The following ZNF385B variants were observed in gnomAD, a reference collection of about 807,000 sequenced individuals.
The protein encoded by ZNF385B is zinc finger protein 385B.
ZNF385B carries 23 observed loss-of-function variants against 39.2 expected under a neutral mutation model. The ratio of observed to expected loss-of-function variants is 0.59; its 90% confidence interval spans 0.42 to 0.83. The LOEUF is 0.83. Among genes scored for constraint, ZNF385B ranks in the 40% least tolerant of loss-of-function variants. The pLI is 0.00. For synonymous variants in ZNF385B, 205 were observed against 222.6 expected, an observed-to-expected ratio of 0.92 and a Z score of 0.70; for missense variants, 552 against 598.9, an observed-to-expected ratio of 0.92 and a Z score of 0.82.
chr2:179,696,562 G>T (rs940435345), intron 3 of ZNF385B, among the ~76,000 whole-genome samples: 5 of 151,876 alleles, frequency 3.3e-5, no homozygotes, highest in African/African-American at 1.2e-4. Context: ...GAAATAATTT[G>T]TAGTCACTTA....
intron 1 of ZNF385B, among the ~76,000 whole-genome samples, chr2:179,823,507 G>C (rs1230908162): frequency 6.6e-6 from 1 of 151,822 alleles, no homozygotes; most frequent in African/African-American, 2.4e-5. Context: ...TTTTCTCTTA[G>C]TACAGAATAC....
At chr2:179,506,838 C>A (rs2057291416) in intron 5 of ZNF385B, among the ~76,000 whole-genome samples, 1 of 152,052 alleles carries the variant, frequency 6.6e-6, no homozygotes, top group African/African-American at 2.4e-5. Flanking sequence ...ATGGGAGTGT[C>A]AGATATGTTA....
At chr2:179,777,769 G>GTTTTTTTTTTTTTT (rs71029831) in intron 1 of ZNF385B, among the ~76,000 whole-genome samples, 2 of 143,712 alleles carry the variant, frequency 1.4e-5, no homozygotes, top group Non-Finnish European at 1.5e-5. Context: ...ATATCAAGAG[G>GTTTTTTTTTTTTTT]TTTTTTTTTT....
rs1215950597 is a variant in ZNF385B, at chr2:179,445,111, G to A, written c.1141-134C>T. On this transcript the variant is annotated intron_variant, in intron 8 of 9. Coordinates refer to ENST00000410066, the MANE Select transcript of ZNF385B (RefSeq NM_152520.6). ...ACGATGGTGTGGGTAAAATCATTAT[G>A]ATTTCTAAATTAAGACTTAGTCCTC... 4.0e-6 allele frequency: 3 copies of A among 750,216 alleles called. No individual in the cohort carries two copies. The East Asian group carries it at 7.8e-5, about 20-fold the overall frequency. 46.5% of individuals were successfully genotyped at this position (750,216 alleles called of 1,614,324 possible).
At chr2:179,498,797 C>T (rs2056487776) in intron 5 of ZNF385B, among the ~76,000 whole-genome samples, 1 of 151,382 alleles carries the variant, frequency 6.6e-6, no homozygotes. Context: ...GCAGACCAAA[C>T]CCACATTTTG....
chr2:179,643,276 G>A (rs191940528), intron 3 of ZNF385B, among the ~76,000 whole-genome samples: 56 of 152,028 alleles, frequency 3.7e-4, no homozygotes, highest in African/African-American at 1.3e-3. Flanking sequence ...TATTACATAA[G>A]GAAATGTATC....
chr2:179,692,653 T>TA (rs1468063899), intron 3 of ZNF385B, among the ~76,000 whole-genome samples: 2 of 152,228 alleles, frequency 1.3e-5, no homozygotes, highest in African/African-American at 4.8e-5. Context: ...AGCTGGTTGC[T>TA]AAAGTTGTCT....
intron 3 of ZNF385B, among the ~76,000 whole-genome samples, chr2:179,703,317 G>A (rs576261121): frequency 6.6e-6 from 1 of 152,250 alleles, no homozygotes; most frequent in Non-Finnish European, 1.5e-5. Context: ...TACATGACTA[G>A]CTTCCTCCCT....
At chr2:179,626,534 T>A (rs1014804477) in intron 3 of ZNF385B, among the ~76,000 whole-genome samples, 1 of 152,168 alleles carries the variant, frequency 6.6e-6, no homozygotes, top group Admixed American at 6.6e-5. Context: ...GATACGTAAA[T>A]CAAATTTCAA....
chr2:179,444,512 T>C (rs778473662), intron 9 of ZNF385B, among the ~76,000 whole-genome samples: 12 of 152,204 alleles, frequency 7.9e-5, no homozygotes, highest in Admixed American at 6.5e-5. Flanking sequence ...GGATATTAAA[T>C]TAAATGGATG....
chr2:179,571,003 AC>A (rs1685150014), intron 3 of ZNF385B, among the ~76,000 whole-genome samples: 1 of 152,232 alleles, frequency 6.6e-6, no homozygotes, highest in African/African-American at 2.4e-5. Context: ...TAAAGCAAAT[AC>A]TTGTTTCATA....
intron 3 of ZNF385B, among the ~76,000 whole-genome samples, chr2:179,705,985 T>C (rs778419370): frequency 6.6e-6 from 1 of 152,222 alleles, no homozygotes; most frequent in Non-Finnish European, 1.5e-5. Context: ...TTTTAGTCCC[T>C]ACCTCCAGCA....
At chr2:179,840,554 G>C (rs989299400) in intron 1 of ZNF385B, among the ~76,000 whole-genome samples, 2 of 152,206 alleles carry the variant, frequency 1.3e-5, no homozygotes, top group African/African-American at 4.8e-5. Flanking sequence ...GATAAATTCA[G>C]TACCAGCATT....
At chr2:179,530,226 A>G (rs1414347599) in intron 4 of ZNF385B, among the ~76,000 whole-genome samples, 4 of 152,198 alleles carry the variant, frequency 2.6e-5, no homozygotes, top group African/African-American at 9.6e-5. Flanking sequence ...TTTCCATAAC[A>G]TAAAATTCAG....
At position 179,644,813 on chromosome 2, in the gene ZNF385B, T is replaced by C. The variant is rs559692336; in HGVS notation, c.299-99844A>G. ...CTTTTTCTTATTTTCCTAAAAAGCA[T>C]CCCTTTGAGCATCTCTCTGACCACA... On this transcript the variant is annotated intron_variant, in intron 3 of 9. Transcript: ENST00000410066. 8.5e-3 allele frequency among the ~76,000 whole-genome samples: 1,299 copies of C among 152,270 alleles called. 22 individuals are homozygous for C. Among genetic ancestry groups the C allele is most frequent in the African/African-American group, 0.029 (1,217 of 41,554 alleles).
At chr2:179,779,290 G>A (rs75675530) in intron 1 of ZNF385B, among the ~76,000 whole-genome samples, 19,981 of 152,192 alleles carry the variant, frequency 0.13, 1,795 homozygotes, top group East Asian at 0.49. Flanking sequence ...GCACAGGTCC[G>A]GAAGCAAGAC....
intron 5 of ZNF385B, among the ~76,000 whole-genome samples, chr2:179,486,268 T>C (rs1339329829): frequency 6.6e-6 from 1 of 152,192 alleles, no homozygotes. Context: ...TAATATCCTA[T>C]GAAATAGGCA....
intron 3 of ZNF385B, among the ~76,000 whole-genome samples, chr2:179,677,260 C>CAGGA (rs1323423494): frequency 1.2e-4 from 18 of 152,282 alleles, no homozygotes; most frequent in Middle Eastern, 3.4e-3. Flanking sequence ...TCATGAAGCA[C>CAGGA]AGGAAGTCTA....
chr2:179,457,176 T>C (rs2050795996), intron 6 of ZNF385B, among the ~76,000 whole-genome samples: 1 of 152,168 alleles, frequency 6.6e-6, no homozygotes, highest in Non-Finnish European at 1.5e-5. Flanking sequence ...CAACATTATG[T>C]CTGTAAGATT....
Sources: allele counts gnomAD v4.1 joint callset (sites outside exome capture counted in the v4.1 genomes callset), GRCh38; gene constraint gnomAD v4.1.1; transcripts MANE v1.5; gene names NCBI Gene and HGNC (gene_info 2026-07-23, HGNC 2026-07-21).